The following ANO2 variants were observed in gnomAD, a reference collection of about 807,000 sequenced individuals.
ANO2 encodes anoctamin-2.
A neutral mutation model predicts 124.2 loss-of-function variants in ANO2; 101 were observed. The ratio of observed to expected loss-of-function variants is 0.81; its 90% CI spans 0.69 to 0.96. The LOEUF (loss-of-function observed/expected upper bound fraction) is 0.96, where lower values mean the gene tolerates loss of function less well. Ranked by LOEUF, ANO2 falls within the 40% of genes least tolerant of loss-of-function variation. The pLI is 0.00. For missense variants in ANO2, 1,293 were observed against 1,274.5 expected (o/e 1.01, Z -0.22); for synonymous variants, 486 against 482.5 (o/e 1.01, Z -0.09).
At chr12:5,809,713 G>A (rs1475357586) in intron 7 of ANO2, among the ~76,000 whole-genome samples, 1 of 152,222 alleles carries the variant, frequency 6.6e-6, no homozygotes, top group African/African-American at 2.4e-5. Context: ...GCACGGTGCA[G>A]CTGGAAGTGG....
intron 3 of ANO2, among the ~76,000 whole-genome samples, chr12:5,873,196 G>GCTCTCTCTCTCTCTCTCTCTCTCT (rs57038931): frequency 4.2e-5 from 5 of 119,052 alleles, no homozygotes; most frequent in South Asian, 2.6e-4. Flanking sequence ...GCCTAAAGCA[G>GCTCTCTCTCTCTCTCTCTCTCTCT]CTCTCTCTCT....
chr12:5,604,254 A>G (rs1944099992), intron 19 of ANO2, among the ~76,000 whole-genome samples: 1 of 152,182 alleles, frequency 6.6e-6, no homozygotes, highest in Admixed American at 6.5e-5. Flanking sequence ...GATAGAGAAT[A>G]CAACGTAAGA....
intron 1 of ANO2, among the ~76,000 whole-genome samples, chr12:5,932,271 A>G (rs370666876): frequency 2.0e-5 from 3 of 151,264 alleles, no homozygotes; most frequent in African/African-American, 4.9e-5. Flanking sequence ...AGGAAGGAAG[A>G]CTGGTAAGAA....
chr12:5,873,646 C>T (rs1056758571), intron 3 of ANO2, among the ~76,000 whole-genome samples: 1 of 152,222 alleles, frequency 6.6e-6, no homozygotes, highest in African/African-American at 2.4e-5. Flanking sequence ...GCAGTCTTTC[C>T]GTCAACACGT....
chr12:5,838,342 T>C (rs1375721601), intron 4 of ANO2, among the ~76,000 whole-genome samples: 3 of 152,112 alleles, frequency 2.0e-5, no homozygotes, highest in Non-Finnish European at 4.4e-5. Context: ...AGAAACCTCA[T>C]GGTAACATCA....
At chr12:5,870,615 A>T (rs1307071362) in intron 3 of ANO2, among the ~76,000 whole-genome samples, 1 of 150,884 alleles carries the variant, frequency 6.6e-6, no homozygotes, top group Non-Finnish European at 1.5e-5. Flanking sequence ...CCCAGAAATG[A>T]GCTAGAACAC....
At chr12:5,743,116 G>T (rs1039138711) in intron 12 of ANO2, among the ~76,000 whole-genome samples, 4 of 151,972 alleles carry the variant, frequency 2.6e-5, no homozygotes, top group Admixed American at 2.6e-4. Flanking sequence ...ATGGAGGAAG[G>T]TTGTGTTCTA....
chr12:5,641,405 T>A (rs1056966119), intron 15 of ANO2, among the ~76,000 whole-genome samples: 1 of 144,842 alleles, frequency 6.9e-6, no homozygotes, highest in Non-Finnish European at 1.5e-5. Context: ...TAAAGAAAAC[T>A]GGGCTTTTTT....
At chr12:5,781,482 T>C (rs1356666145) in intron 10 of ANO2, among the ~76,000 whole-genome samples, 1 of 152,248 alleles carries the variant, frequency 6.6e-6, no homozygotes. Flanking sequence ...AGGATTGAGA[T>C]GTTTGCCTGG....
intron 2 of ANO2, 106 bp downstream of exon 2, chr12:5,922,514 A>G (rs1035570201): frequency 3.9e-6 from 5 of 1,268,272 alleles, no homozygotes; most frequent in Non-Finnish European, 5.3e-6. Context: ...TCTCTCTTTC[A>G]CGCACACATG....
intron 14 of ANO2, among the ~76,000 whole-genome samples, chr12:5,690,589 A>C (rs180902095): frequency 6.6e-6 from 1 of 152,294 alleles, no homozygotes; most frequent in African/African-American, 2.4e-5. Context: ...CAAGAGTTCC[A>C]AAGAGTGATT....
chr12:5,660,185 C>T (rs117050140), intron 14 of ANO2, among the ~76,000 whole-genome samples: 1 of 152,060 alleles, frequency 6.6e-6, no homozygotes, highest in East Asian at 1.9e-4. Flanking sequence ...GGTTTATCCA[C>T]CATAACCCCA....
chr12:5,942,312 G>A (rs1942929590), intron 1 of ANO2, among the ~76,000 whole-genome samples: 1 of 152,084 alleles, frequency 6.6e-6, no homozygotes, highest in Non-Finnish European at 1.5e-5. Context: ...AGGCAAAAAC[G>A]TTCCTCTTTT....
At chr12:5,923,500 CG>C (rs1390834712) in intron 1 of ANO2, among the ~76,000 whole-genome samples, 3 of 152,164 alleles carry the variant, frequency 2.0e-5, no homozygotes, top group Non-Finnish European at 4.4e-5. Context: ...CCACCTCCCT[CG>C]GGGAGAGAGC....
At chr12:5,812,339 G>GGGAGGAAGGAA (rs1490300194) in intron 7 of ANO2, among the ~76,000 whole-genome samples, 2 of 135,576 alleles carry the variant, frequency 1.5e-5, no homozygotes, top group Admixed American at 7.4e-5. Context: ...GAGGGAAGGA[G>GGGAGGAAGGAA]GGAGGAAGGA....
chr12:5,904,707 C>A lies in ANO2; in HGVS notation c.534+16333G>T, dbSNP rs988373253. ...GTGTCATCCTCTAGCCTTGCTCCCC[C>A]TGGGAAGCCTTGCCACCTCTCACCC... On this transcript the variant is annotated intron_variant, in intron 3 of 24. Transcript: ENST00000682330. This position sits in a 1 kb window ranked among gnomAD's most constrained non-coding sequence, Gnocchi z 4.1. Among the ~76,000 whole-genome samples the A allele has an allele frequency of 3.9e-5, 6 of 152,190 alleles. No homozygotes were observed. Among genetic ancestry groups the A allele is most frequent in the Non-Finnish European group, 7.3e-5 (5 of 68,036 alleles).
At chr12:5,910,578 T>C (rs2136291535) in intron 3 of ANO2, among the ~76,000 whole-genome samples, 1 of 152,336 alleles carries the variant, frequency 6.6e-6, no homozygotes, top group East Asian at 1.9e-4. Flanking sequence ...GTCAGTTAAA[T>C]GTTGATGAAA....
intron 3 of ANO2, among the ~76,000 whole-genome samples, chr12:5,883,160 G>A (rs997881811): frequency 1.3e-5 from 2 of 151,224 alleles, no homozygotes; most frequent in East Asian, 1.9e-4. Context: ...TTCCCTTTCC[G>A]GGCTTCCCGT....
chr12:5,923,362 G>A (rs539205214), intron 1 of ANO2, among the ~76,000 whole-genome samples: 2 of 152,294 alleles, frequency 1.3e-5, no homozygotes, highest in African/African-American at 4.8e-5. Context: ...AGATAAGAAA[G>A]GGGTGGCATT....
Sources: allele counts gnomAD v4.1 joint callset (sites outside exome capture counted in the v4.1 genomes callset), GRCh38; gene constraint gnomAD v4.1.1; non-coding constraint Gnocchi (gnomAD v3.1); transcripts MANE v1.5; gene names NCBI Gene and HGNC (gene_info 2026-07-23, HGNC 2026-07-21).